FAM83A: variants seen among roughly 807,000 people sequenced by gnomAD.
FAM83A encodes the protein protein FAM83A.
In FAM83A, 21 loss-of-function variants were observed where a neutral mutation model predicts 24.4. The observed-to-expected ratio is 0.86, with a 90% CI of 0.61 to 1.24. The LOEUF is 1.24. Among genes scored for constraint, FAM83A ranks in the 50% most tolerant of loss-of-function variants. FAM83A has a pLI of 0.00. For synonymous variants in FAM83A, 270 were observed against 252.4 expected, an observed-to-expected ratio of 1.07 and a Z score of -0.66; for missense variants, 617 against 579.8, an observed-to-expected ratio of 1.06 and a Z score of -0.66.
intron 1 of FAM83A, among the ~76,000 whole-genome samples, chr8:123,184,396 G>C (rs1823722605): frequency 6.6e-6 from 1 of 152,104 alleles, no homozygotes; most frequent in African/African-American, 2.4e-5. Context: ...AGATGACCTT[G>C]TGGCTCTTGA....
chr8:123,208,598 T>C (rs1415866541), exon 4 of FAM83A: 2 of 985,452 alleles, frequency 2.0e-6, no homozygotes. Flanking sequence ...AGCCCCATCA[T>C]TCATTTCTTC....
At chr8:123,185,909 G>A (rs942918525) in intron 1 of FAM83A, among the ~76,000 whole-genome samples, 1 of 152,112 alleles carries the variant, frequency 6.6e-6, no homozygotes, top group Admixed American at 6.5e-5. Flanking sequence ...TCCTGCCTCA[G>A]CCTCCCGAGT....
At chr8:123,187,697 A>G (rs1023877900) in intron 1 of FAM83A, among the ~76,000 whole-genome samples, 1 of 152,148 alleles carries the variant, frequency 6.6e-6, no homozygotes, top group Non-Finnish European at 1.5e-5. Flanking sequence ...GAGATCAACA[A>G]TAATTTTTAG....
At chr8:123,192,250 G>A (rs532872771) in intron 2 of FAM83A, among the ~76,000 whole-genome samples, 3 of 152,208 alleles carry the variant, frequency 2.0e-5, no homozygotes, top group East Asian at 1.9e-4. Flanking sequence ...GATTTCCATC[G>A]CTTTCTCTTA....
chr8:123,209,646 CA>C lies in FAM83A; in HGVS notation c.*1959del. On this transcript the variant is annotated 3_prime_UTR_variant, in exon 4 of 4. Transcript: ENST00000690554. This position sits in a 1 kb window ranked among gnomAD's most constrained non-coding sequence, Gnocchi z 4.7. The stretch of plus-strand genomic sequence containing the variant: ...GCCAGGTCACAGAAGCTCCCAAGCC[CA>C]GCTTTCCAAAGGCCTCAGCCTGTGC... The C allele has an allele frequency of 7.3e-7, 1 of 1,375,066 alleles. No homozygotes were observed. 85.2% of individuals were successfully genotyped at this position (1,375,066 alleles called of 1,614,324 possible).
chr8:123,182,988 TG>T lies in FAM83A; in HGVS notation c.137del (p.Gly46ValfsTer84). The T allele has an allele frequency of 1.2e-6, 2 of 1,612,058 alleles. No individual in the cohort carries two copies. Among genetic ancestry groups the T allele is most frequent in the East Asian group, 4.5e-5 (2 of 44,802 alleles). Reference sequence around the variant, plus strand: ...GGCTGGCCACGGACGCCCTCTTGGATGGGGGTTCTGAAGCCTACTGGCGGGT... The same window carrying T: ...GGCTGGCCACGGACGCCCTCTTGGATGGGGTTCTGAAGCCTACTGGCGGGT... On this transcript the variant is annotated frameshift_variant, in exon 1 of 4. Coordinates refer to ENST00000690554, the Ensembl canonical transcript of FAM83A. LOFTEE classifies it high-confidence loss of function.
intron 1 of FAM83A, among the ~76,000 whole-genome samples, chr8:123,187,782 G>A (rs1462242106): frequency 6.6e-6 from 1 of 152,150 alleles, no homozygotes. Flanking sequence ...AAAGTGAAGT[G>A]GGGACGAGGC....
chr8:123,204,261 T>C (rs927443975), intron 3 of FAM83A, among the ~76,000 whole-genome samples: 2 of 151,890 alleles, frequency 1.3e-5, no homozygotes, highest in African/African-American at 4.8e-5. Context: ...CCCAAAAAAA[T>C]TTTTTTAAGA....
At chr8:123,195,285 T>C (rs1009992432) in intron 3 of FAM83A, among the ~76,000 whole-genome samples, 3 of 151,170 alleles carry the variant, frequency 2.0e-5, no homozygotes, top group Non-Finnish European at 4.4e-5. Context: ...TTCCAGGGGG[T>C]GTTAAGGATG....
intron 3 of FAM83A, among the ~76,000 whole-genome samples, chr8:123,204,489 G>A (rs946265149): frequency 2.0e-5 from 3 of 152,202 alleles, no homozygotes; most frequent in South Asian, 2.1e-4. Context: ...TTGGCCGGGC[G>A]CAGTGGCTCA....
At chr8:123,188,616 C>T (rs1457504321) in intron 1 of FAM83A, among the ~76,000 whole-genome samples, 7 of 151,790 alleles carry the variant, frequency 4.6e-5, no homozygotes, top group South Asian at 2.1e-4. Flanking sequence ...CCCAAGTAGC[C>T]GGGATTACAG....
intron 1 of FAM83A, among the ~76,000 whole-genome samples, chr8:123,183,798 C>T (rs1477536568): frequency 2.6e-5 from 4 of 151,568 alleles, no homozygotes; most frequent in African/African-American, 7.3e-5. Flanking sequence ...CGGGTTCAAG[C>T]GATTCTCCTG....
At chr8:123,183,094 T>G (rs780595562) in exon 1 of FAM83A, 37 of 1,613,760 alleles carry the variant, frequency 2.3e-5, no homozygotes, top group Admixed American at 1.7e-5. Context: ...GGAGCCCCCG[T>G]GTCCCCCAGA....
intron 3 of FAM83A, among the ~76,000 whole-genome samples, chr8:123,206,910 GTCC>G (rs201332673): frequency 9.3e-5 from 14 of 151,090 alleles, no homozygotes; most frequent in Admixed American, 2.6e-4. Flanking sequence ...CCTCCTATCT[GTCC>G]TCCTCCTCCT....
In FAM83A at chr8:123,195,403, G is replaced by C. The variant is rs893891321; in HGVS notation, c.773+1255G>C. ...AATGAGCATAAAGGGAAAGAGAGAA[G>C]GGAGGGCGGAAAAACCCCTACATTT... On this transcript the variant is annotated intron_variant, in intron 3 of 3. Coordinates refer to ENST00000690554, the Ensembl canonical transcript of FAM83A. 2.0e-5 allele frequency among the ~76,000 whole-genome samples: 3 copies of C among 152,264 alleles called. No individual in the cohort carries two copies. The South Asian group carries it at 6.2e-4, about 32-fold the overall frequency.
chr8:123,207,466 A>G, exon 4 of FAM83A: 1 of 1,585,304 alleles, frequency 6.3e-7, no homozygotes, highest in South Asian at 1.1e-5. Flanking sequence ...CCGCGGCCCC[A>G]CACCCGCCTC....
At chr8:123,192,975 C>T (rs1824032473) in intron 2 of FAM83A, 1 of 152,394 alleles carries the variant, frequency 6.6e-6, no homozygotes, top group Non-Finnish European at 1.5e-5. Context: ...TGGAGAAGCC[C>T]AGGGGAAGCG....
rs905486901 is a variant in FAM83A, at chr8:123,209,889, G to A, written c.*2201G>A. 10 of 266,864 alleles carry A rather than the reference G, an allele frequency of 3.7e-5. No homozygotes were observed. The highest frequency in any genetic ancestry group is 1.1e-4 in the African/African-American group (5 of 46,842). 16.5% of individuals were successfully genotyped at this position (266,864 alleles called of 1,614,324 possible). On this transcript the variant is annotated 3_prime_UTR_variant, in exon 4 of 4. Transcript: ENST00000690554. This position sits in a 1 kb window ranked among gnomAD's most constrained non-coding sequence, Gnocchi z 4.7. ...CGGCGAGTGGAGCATGAGCAGAACCGCCGAGGGTCACTTCTGGGCAGAAGC... is the reference window on the plus strand; with the variant it reads ...CGGCGAGTGGAGCATGAGCAGAACCACCGAGGGTCACTTCTGGGCAGAAGC...
At chr8:123,192,224 G>A (rs976393398) in intron 2 of FAM83A, among the ~76,000 whole-genome samples, 10 of 152,122 alleles carry the variant, frequency 6.6e-5, no homozygotes, top group Non-Finnish European at 1.5e-4. Flanking sequence ...ATGTTTCCAG[G>A]ATCTGACCTG....
Sources: allele counts gnomAD v4.1 joint callset (sites outside exome capture counted in the v4.1 genomes callset), GRCh38; gene constraint gnomAD v4.1.1; non-coding constraint Gnocchi (gnomAD v3.1); transcripts MANE v1.5; gene names NCBI Gene and HGNC (gene_info 2026-07-23, HGNC 2026-07-21).